Variants in BICDL1 observed in about 807,000 individuals in gnomAD.
The protein encoded by BICDL1 is BICD family-like cargo adapter 1.
In BICDL1, 20 loss-of-function variants were observed where a neutral mutation model predicts 76.8. The observed-to-expected ratio is 0.26, with a 90% CI of 0.18 to 0.38. BICDL1 has a LOEUF of 0.38. Among genes scored for constraint, BICDL1 ranks in the 10% least tolerant of loss-of-function variants. The pLI is 1.00. For missense variants in BICDL1, 700 were observed against 798.6 expected (o/e 0.88, Z 1.49); for synonymous variants, 383 against 337.1 (o/e 1.14, Z -1.49).
intron 2 of BICDL1, among the ~76,000 whole-genome samples, chr12:120,051,202 C>T (rs559420466): frequency 7.9e-5 from 12 of 152,046 alleles, no homozygotes; most frequent in African/African-American, 9.7e-5. Context: ...CACACACAAC[C>T]GCACCTGGCT....
At chr12:120,028,727 G>C (rs976332567) in intron 2 of BICDL1, among the ~76,000 whole-genome samples, 8 of 152,038 alleles carry the variant, frequency 5.3e-5, no homozygotes, top group Non-Finnish European at 1.0e-4. Flanking sequence ...CGAGAAAATA[G>C]CTGAGTGTGT....
In BICDL1 at chr12:120,021,458, G is replaced by A. The variant is rs537452503; in HGVS notation, c.645+22722G>A. ...AAAAATTAGCCGGGCATGGTGGCAC[G>A]CGCCTGTAGTCCCAGCTGCTAGGGA... On this transcript the variant is annotated intron_variant, in intron 2 of 9. Transcript: ENST00000548673. 5.3e-5 allele frequency among the ~76,000 whole-genome samples: 8 copies of A among 151,432 alleles called. No individual in the cohort carries two copies. The South Asian group carries it at 1.5e-3, about 28-fold the overall frequency.
chr12:120,061,889 C>A, intron 3 of BICDL1, 63 bp downstream of exon 3: 1 of 1,163,412 alleles, frequency 8.6e-7, no homozygotes, highest in South Asian at 1.2e-5. Context: ...AGACAAAAAA[C>A]TGCTCTATGT....
intron 8 of BICDL1, among the ~76,000 whole-genome samples, chr12:120,085,316 G>A (rs1048664741): frequency 1.3e-5 from 2 of 152,042 alleles, no homozygotes; most frequent in African/African-American, 4.8e-5. Flanking sequence ...CCAGGTTGGA[G>A]GATCACAAAT....
At chr12:120,040,299 C>T (rs1952612869) in intron 2 of BICDL1, among the ~76,000 whole-genome samples, 1 of 152,040 alleles carries the variant, frequency 6.6e-6, no homozygotes, top group Non-Finnish European at 1.5e-5. Context: ...CGCTGTTGGT[C>T]AGGCTGGTCT....
intron 1 of BICDL1, among the ~76,000 whole-genome samples, chr12:119,997,006 T>C (rs1386073983): frequency 6.6e-6 from 1 of 151,632 alleles, no homozygotes; most frequent in Non-Finnish European, 1.5e-5. Flanking sequence ...TAGAGTGCAG[T>C]GGCGCGATCT....
At chr12:120,036,066 T>G (rs1952525013) in intron 2 of BICDL1, among the ~76,000 whole-genome samples, 1 of 152,244 alleles carries the variant, frequency 6.6e-6, no homozygotes, top group Non-Finnish European at 1.5e-5. Context: ...TATATTTCAT[T>G]GTATGAATAT....
chr12:120,081,128 T>C, intron 8 of BICDL1, 111 bp downstream of exon 8: 1 of 1,158,432 alleles, frequency 8.6e-7, no homozygotes, highest in Non-Finnish European at 1.2e-6. Flanking sequence ...AGGTAAAAGT[T>C]AGTTTCCCCG....
intron 6 of BICDL1, among the ~76,000 whole-genome samples, chr12:120,073,774 T>C (rs1374993533): frequency 6.6e-6 from 1 of 152,218 alleles, no homozygotes; most frequent in African/African-American, 2.4e-5. Flanking sequence ...GGAGGTATTA[T>C]ACTATGAGGC....
intron 8 of BICDL1, among the ~76,000 whole-genome samples, chr12:120,083,490 T>G (rs543138018): frequency 6.6e-6 from 1 of 152,250 alleles, no homozygotes; most frequent in African/African-American, 2.4e-5. Flanking sequence ...CTTGAACTCC[T>G]GAGCTCCAGG....
chr12:120,087,628 G>A (rs1483537860), intron 8 of BICDL1, among the ~76,000 whole-genome samples: 1 of 152,200 alleles, frequency 6.6e-6, no homozygotes, highest in Non-Finnish European at 1.5e-5. Flanking sequence ...AGTGCTTAAG[G>A]GAGCGATTAA....
intron 1 of BICDL1, 53 bp downstream of exon 1, chr12:119,990,350 G>T (rs1594078837): frequency 6.5e-7 from 1 of 1,538,532 alleles, no homozygotes; most frequent in Admixed American, 2.1e-5. Context: ...CCAGGCACGC[G>T]CCCGGCCCTG....
At chr12:120,081,834 C>T (rs1338080841) in intron 8 of BICDL1, among the ~76,000 whole-genome samples, 1 of 150,712 alleles carries the variant, frequency 6.6e-6, no homozygotes, top group East Asian at 1.9e-4. Flanking sequence ...TATCCTCACC[C>T]ACTTCCTCCA....
At chr12:119,998,809 C>T (rs962260603) in intron 2 of BICDL1, 73 bp downstream of exon 2, 5 of 1,421,588 alleles carry the variant, frequency 3.5e-6, no homozygotes, top group Non-Finnish European at 4.8e-6. Flanking sequence ...AGGCTTATGC[C>T]TGTGACGCCA....
At chr12:120,029,874 T>C (rs1452753981) in intron 2 of BICDL1, among the ~76,000 whole-genome samples, 1 of 152,182 alleles carries the variant, frequency 6.6e-6, no homozygotes, top group African/African-American at 2.4e-5. Flanking sequence ...CTCAAACTCC[T>C]GACCTCAGGT....
chr12:119,995,402 C>T (rs1250009738), intron 1 of BICDL1, among the ~76,000 whole-genome samples: 1 of 152,218 alleles, frequency 6.6e-6, no homozygotes, highest in African/African-American at 2.4e-5. Context: ...GACTGATCAG[C>T]ACCACCTGTC....
chr12:120,069,997 T>G (rs568094633), intron 4 of BICDL1, among the ~76,000 whole-genome samples: 25 of 152,254 alleles, frequency 1.6e-4, no homozygotes, highest in Non-Finnish European at 2.9e-4. Flanking sequence ...ATTCTTTCAT[T>G]GCTCTATAGT....
chr12:120,074,476 G>A lies in BICDL1; in HGVS notation c.1342G>A (p.Glu448Lys). ...SRRLDDDSLE[E>K]QIRQTSEDSR... ...GAGACTTGATGATGACTCCTTAGAAGAACAGATAAGGCAGACCAGTGAGGA... is the reference window on the plus strand; with the variant it reads ...GAGACTTGATGATGACTCCTTAGAAAAACAGATAAGGCAGACCAGTGAGGA... Residue 448 changes from glutamate to lysine, a missense_variant, in exon 7 of 10, where the codon GAA becomes AAA. By Grantham distance (56) the Glu-to-Lys change is moderately conservative. This residue lies in a region of BICDL1 where 455 missense variants were observed against 548.7 expected (regional missense o/e 0.83). Transcript: ENST00000548673. 1 of 1,266,124 alleles carries A rather than the reference G, an allele frequency of 7.9e-7. No homozygotes were observed. Among genetic ancestry groups the A allele is most frequent in the Non-Finnish European group, 1.0e-6 (1 of 978,938 alleles). 78.4% of individuals were successfully genotyped at this position (1,266,124 alleles called of 1,614,324 possible). A position where few individuals can be genotyped will look rare whatever the true frequency, so the allele number is the denominator to read the frequency against.
At chr12:120,062,072 C>T (rs1378698543) in intron 3 of BICDL1, among the ~76,000 whole-genome samples, 2 of 152,084 alleles carry the variant, frequency 1.3e-5, no homozygotes, top group African/African-American at 4.8e-5. Context: ...TTGATCTCTC[C>T]AAAAATATCC....
Sources: allele counts gnomAD v4.1 joint callset (sites outside exome capture counted in the v4.1 genomes callset), GRCh38; gene constraint gnomAD v4.1.1; regional missense constraint gnomAD v4.1.1; transcripts MANE v1.5; gene names NCBI Gene and HGNC (gene_info 2026-07-23, HGNC 2026-07-21).